CNTN5: variants seen among roughly 807,000 people sequenced by gnomAD.
CNTN5 encodes contactin-5.
In CNTN5, 77 loss-of-function variants were observed where a neutral mutation model predicts 129.1. That is an observed-to-expected ratio of 0.60 (90% CI 0.50 to 0.72). The LOEUF (loss-of-function observed/expected upper bound fraction) is 0.72. Ranked by LOEUF, CNTN5 falls within the 30% of genes least tolerant of loss-of-function variation. CNTN5 has a pLI of 0.00. For synonymous variants in CNTN5, 509 were observed against 465.6 expected, an observed-to-expected ratio of 1.09 and a Z score of -1.20; for missense variants, 1,478 against 1,328.8, an observed-to-expected ratio of 1.11 and a Z score of -1.75.
At chr11:99,795,588 C>CTTTTTTTTTTTTTTTTTTTT in intron 3 of CNTN5, among the ~76,000 whole-genome samples, 1 of 143,192 alleles carries the variant, frequency 7.0e-6, no homozygotes, top group Non-Finnish European at 1.5e-5. Flanking sequence ...TCCTTTAGAT[C>CTTTTTTTTTTTTTTTTTTTT]TTTTTTTTTT....
intron 1 of CNTN5, among the ~76,000 whole-genome samples, chr11:99,041,080 C>T (rs1863967540): frequency 6.6e-6 from 1 of 152,126 alleles, no homozygotes; most frequent in African/African-American, 2.4e-5. Flanking sequence ...TCAATGAGAA[C>T]ACAAAACTGA....
chr11:99,201,973 A>G (rs561454104), intron 1 of CNTN5, among the ~76,000 whole-genome samples: 1 of 152,342 alleles, frequency 6.6e-6, no homozygotes, highest in South Asian at 2.1e-4. Context: ...CAGGGAACTA[A>G]TATATCAATG....
intron 8 of CNTN5, among the ~76,000 whole-genome samples, chr11:99,980,489 C>A (rs1358611554): frequency 1.3e-5 from 2 of 152,142 alleles, no homozygotes; most frequent in African/African-American, 4.8e-5. Context: ...TGGGTACAGC[C>A]CTGCTTCTGA....
At chr11:99,271,368 G>A (rs1863163191) in intron 1 of CNTN5, among the ~76,000 whole-genome samples, 1 of 151,752 alleles carries the variant, frequency 6.6e-6, no homozygotes. Flanking sequence ...CTACTTTTCA[G>A]TTGTTGTAAA....
At chr11:100,044,062 C>G (rs1452354475) in intron 9 of CNTN5, among the ~76,000 whole-genome samples, 1 of 109,466 alleles carries the variant, frequency 9.1e-6, no homozygotes. Context: ...TCCCACTCTT[C>G]CCAGTCTCTG....
At chr11:99,461,192 G>A (rs1205288837) in intron 2 of CNTN5, among the ~76,000 whole-genome samples, 4 of 152,068 alleles carry the variant, frequency 2.6e-5, no homozygotes, top group Non-Finnish European at 5.9e-5. Context: ...AAGCAGATCA[G>A]TAGTTGACTG....
intron 1 of CNTN5, among the ~76,000 whole-genome samples, chr11:99,315,994 T>C (rs1021056335): frequency 2.6e-5 from 4 of 152,036 alleles, no homozygotes; most frequent in Non-Finnish European, 2.9e-5. Context: ...TATGCAAATA[T>C]GGAAAGTGGC....
intron 1 of CNTN5, among the ~76,000 whole-genome samples, chr11:99,220,439 A>G (rs1318852946): frequency 6.6e-6 from 1 of 151,954 alleles, no homozygotes; most frequent in Non-Finnish European, 1.5e-5. Context: ...ACGATGTAGG[A>G]AAACAATTTT....
At chr11:99,648,168 C>T (rs1287870662) in intron 3 of CNTN5, among the ~76,000 whole-genome samples, 1 of 151,940 alleles carries the variant, frequency 6.6e-6, no homozygotes, top group African/African-American at 2.4e-5. Context: ...GTTTCTGCAT[C>T]TATTGAAATT....
In CNTN5 at chr11:100,255,756, A is replaced by G. The variant is rs775430917; in HGVS notation, c.2006-4A>G. 6.2e-7 allele frequency: 1 copy of G among 1,613,424 alleles called. No individual in the cohort carries two copies. The highest frequency in any genetic ancestry group is 1.1e-5 in the South Asian group (1 of 91,054). On this transcript the variant is annotated splice_polypyrimidine_tract_variant and splice_region_variant and intron_variant, in intron 16 of 24. Transcript: ENST00000524871. The stretch of plus-strand genomic sequence containing the variant: ...TAACTTTATCCATTGCCTTTGACCT[A>G]TAGGACCCCCAGGCCCACCTGGGAT...
At chr11:99,121,504 C>T (rs1329024894) in intron 1 of CNTN5, among the ~76,000 whole-genome samples, 1 of 152,132 alleles carries the variant, frequency 6.6e-6, no homozygotes, top group Non-Finnish European at 1.5e-5. Flanking sequence ...ATATTCTGGC[C>T]TGGGCCAAAT....
At chr11:100,096,293 A>G (rs1216627168) in intron 13 of CNTN5, among the ~76,000 whole-genome samples, 2 of 152,142 alleles carry the variant, frequency 1.3e-5, no homozygotes, top group East Asian at 3.9e-4. Flanking sequence ...GAAGGGGAGG[A>G]TAATGACACC....
intron 1 of CNTN5, among the ~76,000 whole-genome samples, chr11:99,027,383 C>T (rs1863154972): frequency 6.6e-6 from 1 of 151,456 alleles, no homozygotes; most frequent in Non-Finnish European, 1.5e-5. Flanking sequence ...AATTCATGGG[C>T]TTTTTAAAGG....
At chr11:99,959,674 A>G (rs973925174) in intron 8 of CNTN5, among the ~76,000 whole-genome samples, 4 of 152,156 alleles carry the variant, frequency 2.6e-5, no homozygotes, top group African/African-American at 9.7e-5. Context: ...AAACGTCTAT[A>G]TTTTCAAAAA....
intron 1 of CNTN5, among the ~76,000 whole-genome samples, chr11:99,287,912 GAGGAAT>G (rs1373871275): frequency 6.6e-6 from 1 of 151,920 alleles, no homozygotes; most frequent in Non-Finnish European, 1.5e-5. Flanking sequence ...GAAGGAAAAA[GAGGAAT>G]AGGAGTAGGA....
chr11:99,691,920 G>C (rs1290138855), intron 3 of CNTN5, among the ~76,000 whole-genome samples: 2 of 152,088 alleles, frequency 1.3e-5, no homozygotes, highest in Non-Finnish European at 2.9e-5. Flanking sequence ...TTATGAATCT[G>C]GGTGCTCCTG....
At chr11:99,864,280 C>G (rs1263048208) in intron 6 of CNTN5, among the ~76,000 whole-genome samples, 1 of 151,890 alleles carries the variant, frequency 6.6e-6, no homozygotes, top group Non-Finnish European at 1.5e-5. Flanking sequence ...GAGATACTAT[C>G]CTGTAGTAAT....
chr11:99,523,663 T>TAGAATAGAA, intron 2 of CNTN5, among the ~76,000 whole-genome samples: 1 of 132,670 alleles, frequency 7.5e-6, no homozygotes, highest in South Asian at 2.5e-4. Context: ...ACAGAACAGA[T>TAGAATAGAA]CAGAACAGAA....
At chr11:99,658,241 G>T (rs17134142) in intron 3 of CNTN5, among the ~76,000 whole-genome samples, 7,418 of 152,088 alleles carry the variant, frequency 0.049, 207 homozygotes, top group South Asian at 0.095. Context: ...TTTATGCAGG[G>T]TGTTTAGAGT....
Sources: allele counts gnomAD v4.1 joint callset (sites outside exome capture counted in the v4.1 genomes callset), GRCh38; gene constraint gnomAD v4.1.1; transcripts MANE v1.5; gene names NCBI Gene and HGNC (gene_info 2026-07-23, HGNC 2026-07-21).